Variants in MTCL1 observed in about 807,000 individuals in gnomAD.
The protein encoded by MTCL1 is microtubule cross-linking factor 1.
In MTCL1, 79 loss-of-function variants were observed where a neutral mutation model predicts 141.4. The observed-to-expected ratio is 0.56, with a 90% CI of 0.47 to 0.67. The LOEUF is 0.67. Among genes scored for constraint, MTCL1 ranks in the 30% least tolerant of loss-of-function variants. The pLI is 0.00. For missense variants in MTCL1, 2,177 were observed against 2,113.9 expected, an observed-to-expected ratio of 1.03 and a Z score of -0.59; for synonymous variants, 914 against 875.8, an observed-to-expected ratio of 1.04 and a Z score of -0.77.
chr18:8,817,703 A>G (rs9967324), intron 12 of MTCL1, among the ~76,000 whole-genome samples: 93,794 of 151,980 alleles, frequency 0.62, 29,213 homozygotes, highest in Non-Finnish European at 0.65. Flanking sequence ...CGGTCTCAGC[A>G]CTTGAGGACT....
At chr18:8,789,975 G>A (rs1264521422) in intron 7 of MTCL1, among the ~76,000 whole-genome samples, 2 of 152,210 alleles carry the variant, frequency 1.3e-5, no homozygotes, top group Non-Finnish European at 2.9e-5. Flanking sequence ...GTCCGTGGGA[G>A]TTTTAATATT....
At chr18:8,709,735 A>G (rs914418316) in intron 1 of MTCL1, among the ~76,000 whole-genome samples, 2 of 152,248 alleles carry the variant, frequency 1.3e-5, no homozygotes, top group African/African-American at 2.4e-5. Context: ...GCCCAATTCA[A>G]TAGAAAAATA....
At chr18:8,753,582 T>C (rs2096382592) in intron 4 of MTCL1, among the ~76,000 whole-genome samples, 1 of 152,176 alleles carries the variant, frequency 6.6e-6, no homozygotes, top group Admixed American at 6.5e-5. Flanking sequence ...CCTGGTCCTT[T>C]TTACCTGGTG....
chr18:8,746,239 T>A (rs945589537), intron 4 of MTCL1, among the ~76,000 whole-genome samples: 2 of 152,224 alleles, frequency 1.3e-5, no homozygotes, highest in African/African-American at 4.8e-5. Context: ...TCAGTTCTTT[T>A]GGGTGTGTAC....
chr18:8,786,500 C>T (rs2096556418), intron 7 of MTCL1: 1 of 381,166 alleles, frequency 2.6e-6, no homozygotes, highest in Non-Finnish European at 5.2e-6. Flanking sequence ...TCTTTGTTGC[C>T]TGTGTCTCAT....
intron 1 of MTCL1, chr18:8,706,930 C>T: frequency 2.8e-6 from 2 of 709,638 alleles, no homozygotes; most frequent in Non-Finnish European, 4.3e-6. Flanking sequence ...CAACCCACTT[C>T]TCTTTTCTCG....
chr18:8,793,937 T>C (rs1382902487), intron 8 of MTCL1, among the ~76,000 whole-genome samples: 1 of 152,238 alleles, frequency 6.6e-6, no homozygotes, highest in Non-Finnish European at 1.5e-5. Context: ...CCATGTTGAC[T>C]GAGGCCATGT....
At chr18:8,706,464 G>C in exon 1 of MTCL1, 1 of 1,258,268 alleles carries the variant, frequency 7.9e-7, no homozygotes, top group Non-Finnish European at 1.0e-6. Context: ...AGCCCCCAGC[G>C]CTCCTCGCCG....
At chr18:8,769,306 T>A (rs1354444376) in intron 4 of MTCL1, among the ~76,000 whole-genome samples, 2 of 152,276 alleles carry the variant, frequency 1.3e-5, no homozygotes, top group Non-Finnish European at 2.9e-5. Context: ...TTCTTGCAGT[T>A]TGGGGGAAGG....
At chr18:8,796,373 A>G in exon 9 of MTCL1, 1 of 1,614,088 alleles carries the variant, frequency 6.2e-7, no homozygotes, top group South Asian at 1.1e-5. Context: ...GAAGCAGAAC[A>G]TTTTCCTCTT....
At chr18:8,778,233 A>G (rs1179795173) in intron 5 of MTCL1, among the ~76,000 whole-genome samples, 1 of 152,282 alleles carries the variant, frequency 6.6e-6, no homozygotes, top group Non-Finnish European at 1.5e-5. Flanking sequence ...CAGTGAAATG[A>G]AACAGCCACT....
exon 15 of MTCL1, chr18:8,824,897 G>C: frequency 6.2e-7 from 1 of 1,613,880 alleles, no homozygotes; most frequent in South Asian, 1.1e-5. Flanking sequence ...GTGGGGGGCC[G>C]GACCTTTGGG....
intron 12 of MTCL1, among the ~76,000 whole-genome samples, chr18:8,817,252 CTT>C (rs35022661): frequency 1.4e-4 from 17 of 118,224 alleles, no homozygotes; most frequent in East Asian, 2.4e-4. Context: ...AAAGCCTTCC[CTT>C]TTTTTTTTTT....
chr18:8,706,508 G>A, exon 1 of MTCL1: 1 of 1,317,476 alleles, frequency 7.6e-7, no homozygotes, highest in East Asian at 3.1e-5. Flanking sequence ...CCCGGGGGCC[G>A]GAGCATCCCG....
chr18:8,796,414 C>T, exon 9 of MTCL1: 7 of 1,614,208 alleles, frequency 4.3e-6, no homozygotes, highest in Non-Finnish European at 5.9e-6. Flanking sequence ...TGCTGAAACA[C>T]TGGCGGCAAG....
At chr18:8,826,172 C>T (rs751901689) in exon 15 of MTCL1, 7 of 1,612,198 alleles carry the variant, frequency 4.3e-6, no homozygotes, top group South Asian at 1.1e-5. Flanking sequence ...CCCACGGGCC[C>T]CCGGGTCTCC....
intron 11 of MTCL1, among the ~76,000 whole-genome samples, chr18:8,811,488 A>T (rs1255480827): frequency 6.6e-6 from 1 of 152,150 alleles, no homozygotes; most frequent in Non-Finnish European, 1.5e-5. Context: ...TTCTAAATAG[A>T]ATAATACTGG....
chr18:8,817,520 C>A (rs546195081), intron 12 of MTCL1, among the ~76,000 whole-genome samples: 7 of 152,190 alleles, frequency 4.6e-5, no homozygotes, highest in African/African-American at 1.4e-4. Context: ...AATGAGCAAA[C>A]GTCCTTTTGT....
Position 8,812,679 on chromosome 18 carries a change from G to T in MTCL1, c.2605-300G>T, listed in dbSNP as rs566584112. Among the ~76,000 whole-genome samples the T allele has an allele frequency of 2.6e-5, 4 of 152,274 alleles. No individual in the cohort carries two copies. The South Asian group carries it at 8.3e-4, about 32-fold the overall frequency. On this transcript the variant is annotated intron_variant, in intron 11 of 16. Coordinates refer to ENST00000359865, the Ensembl canonical transcript of MTCL1. ...AGCTAAGGATATAGGGACGGACATG[G>T]TACCTGCCCACAAGCAGTTACACAG... is the stretch of plus-strand genomic sequence containing the variant.
Sources: allele counts gnomAD v4.1 joint callset (sites outside exome capture counted in the v4.1 genomes callset), GRCh38; gene constraint gnomAD v4.1.1; transcripts MANE v1.5; gene names NCBI Gene and HGNC (gene_info 2026-07-23, HGNC 2026-07-21).